RGS7: variants seen among roughly 807,000 people sequenced by gnomAD.
RGS7 encodes the protein regulator of G-protein signaling 7.
A neutral mutation model predicts 81.1 loss-of-function variants in RGS7; 27 were observed. That is an observed-to-expected ratio of 0.33 (90% CI 0.25 to 0.46). The LOEUF is 0.46. RGS7 is among the 20% of genes least tolerant of loss of function. The pLI is 1.00. For missense variants in RGS7, 396 were observed against 607.4 expected, an observed-to-expected ratio of 0.65 and a Z score of 3.66; for synonymous variants, 208 against 207.7, an observed-to-expected ratio of 1.00 and a Z score of -0.01.
intron 9 of RGS7, among the ~76,000 whole-genome samples, chr1:240,855,161 A>G (rs936146838): frequency 6.6e-6 from 1 of 151,966 alleles, no homozygotes. Flanking sequence ...CAAAATTGGG[A>G]TCATATTACA....
intron 2 of RGS7, among the ~76,000 whole-genome samples, chr1:241,143,970 G>A (rs990873753): frequency 6.6e-6 from 1 of 152,148 alleles, no homozygotes; most frequent in African/African-American, 2.4e-5. Context: ...GACTAAATCT[G>A]CCAGTGCCTT....
chr1:241,050,064 T>C (rs539143312), intron 3 of RGS7, among the ~76,000 whole-genome samples: 1 of 152,176 alleles, frequency 6.6e-6, no homozygotes, highest in Non-Finnish European at 1.5e-5. Context: ...AAGTTCTACA[T>C]AGCTAAGGGG....
chr1:240,902,286 C>T (rs72756839), intron 6 of RGS7, among the ~76,000 whole-genome samples: 19,467 of 152,182 alleles, frequency 0.13, 1,352 homozygotes, highest in Middle Eastern at 0.18. Context: ...ACTATTTAGA[C>T]ATATCTCTAC....
intron 4 of RGS7, among the ~76,000 whole-genome samples, chr1:240,940,618 T>C (rs946214021): frequency 2.6e-5 from 4 of 152,204 alleles, no homozygotes; most frequent in South Asian, 2.1e-4. Flanking sequence ...GGAGTATAGA[T>C]ACAAGAAGGG....
chr1:240,922,548 C>T (rs115602953), intron 6 of RGS7, among the ~76,000 whole-genome samples: 7 of 152,000 alleles, frequency 4.6e-5, no homozygotes, highest in Non-Finnish European at 8.8e-5. Flanking sequence ...ATTAAAAAAT[C>T]GGCAAAATAT....
At chr1:240,909,388 T>C (rs538785870) in intron 6 of RGS7, among the ~76,000 whole-genome samples, 2 of 152,304 alleles carry the variant, frequency 1.3e-5, no homozygotes, top group South Asian at 4.1e-4. Context: ...TATGTCTGTT[T>C]TCCTTGTATA....
intron 3 of RGS7, among the ~76,000 whole-genome samples, chr1:241,037,931 A>C (rs753065243): frequency 2.0e-5 from 3 of 152,202 alleles, no homozygotes; most frequent in Non-Finnish European, 4.4e-5. Flanking sequence ...ACACAAAAGC[A>C]TAAGAATAAT....
chr1:241,212,724 C>T (rs1573158978), intron 2 of RGS7, among the ~76,000 whole-genome samples: 1 of 152,166 alleles, frequency 6.6e-6, no homozygotes, highest in East Asian at 1.9e-4. Context: ...GAGGTGCCCA[C>T]CTCACCAGCA....
chr1:240,803,344 C>T (rs1170891638), intron 15 of RGS7, among the ~76,000 whole-genome samples: 1 of 152,024 alleles, frequency 6.6e-6, no homozygotes, highest in African/African-American at 2.4e-5. Flanking sequence ...AAAACTACTC[C>T]AGGCCTGAAG....
chr1:241,351,812 A>C (rs2083269356), intron 2 of RGS7, among the ~76,000 whole-genome samples: 1 of 152,190 alleles, frequency 6.6e-6, no homozygotes, highest in Admixed American at 6.5e-5. Flanking sequence ...TGTTTACTGC[A>C]GTAAGATAAT....
chr1:240,821,453 C>CA (rs1420827250), intron 10 of RGS7, among the ~76,000 whole-genome samples: 2 of 151,946 alleles, frequency 1.3e-5, no homozygotes, highest in Admixed American at 6.6e-5. Context: ...GACTCCATTT[C>CA]AAAAAAAGAA....
At chr1:240,955,344 A>C (rs1319426051) in intron 4 of RGS7, among the ~76,000 whole-genome samples, 2 of 152,154 alleles carry the variant, frequency 1.3e-5, no homozygotes, top group Admixed American at 6.5e-5. Context: ...CAAGGTCAGG[A>C]GATCTAGACC....
chr1:240,820,220 G>A (rs1691523171), intron 10 of RGS7, among the ~76,000 whole-genome samples: 1 of 152,052 alleles, frequency 6.6e-6, no homozygotes, highest in East Asian at 1.9e-4. Context: ...TTTGCAGCTG[G>A]GGAAAATCAA....
intron 2 of RGS7, among the ~76,000 whole-genome samples, chr1:241,215,370 G>A (rs1195693208): frequency 2.0e-5 from 3 of 152,112 alleles, no homozygotes; most frequent in East Asian, 1.9e-4. Context: ...TACTTCAAAC[G>A]CTGGCTCTTA....
chr1:240,897,259 T>C (rs1669244538), intron 6 of RGS7, among the ~76,000 whole-genome samples: 1 of 152,222 alleles, frequency 6.6e-6, no homozygotes, highest in Non-Finnish European at 1.5e-5. Flanking sequence ...TTTTCCTAAT[T>C]GAATATCCTT....
chr1:240,980,564 T>C (rs1684765632), intron 4 of RGS7, among the ~76,000 whole-genome samples: 1 of 152,142 alleles, frequency 6.6e-6, no homozygotes, highest in African/African-American at 2.4e-5. Context: ...CCACTTAGTC[T>C]CCCTTCATGA....
At chr1:241,277,386 G>C (rs1573473794) in intron 2 of RGS7, among the ~76,000 whole-genome samples, 2 of 152,148 alleles carry the variant, frequency 1.3e-5, no homozygotes, top group African/African-American at 4.8e-5. Context: ...TTGGGAGGCC[G>C]AGGCGGGCGG....
intron 2 of RGS7, among the ~76,000 whole-genome samples, chr1:241,308,928 T>A (rs1008468512): frequency 1.8e-4 from 28 of 152,190 alleles, no homozygotes; most frequent in African/African-American, 6.5e-4. Context: ...TTGCCCTCTG[T>A]CATCTTCTCT....
chr1:241,348,149 T>C (rs2083021851), intron 2 of RGS7, among the ~76,000 whole-genome samples: 1 of 152,204 alleles, frequency 6.6e-6, no homozygotes, highest in Non-Finnish European at 1.5e-5. Flanking sequence ...ACATTTCAGG[T>C]GTTCAGTTAC....
Sources: gnomAD v4.1 joint callset for allele counts (sites outside exome capture counted in the v4.1 genomes callset) on GRCh38, gnomAD v4.1.1 for gene constraint, MANE v1.5 for transcripts, NCBI Gene and HGNC (gene_info 2026-07-23, HGNC 2026-07-21) for gene names.